The following ZBTB20 variants were observed in gnomAD, a reference collection of about 807,000 sequenced individuals.
ZBTB20 encodes zinc finger and BTB domain containing 20.
A neutral mutation model predicts 56.9 loss-of-function variants in ZBTB20; 9 were observed. That is an observed-to-expected ratio of 0.16 (90% CI 0.10 to 0.28). The LOEUF is 0.28. ZBTB20 is among the 10% of genes least tolerant of loss of function. The pLI, the probability that ZBTB20 is intolerant of heterozygous loss-of-function variation, is 1.00. For missense variants in ZBTB20, 655 were observed against 1,003.0 expected (o/e 0.65, Z 4.69); for synonymous variants, 417 against 420.7 (o/e 0.99, Z 0.11).
chr3:114,618,313 A>G (rs1220105950), intron 6 of ZBTB20, among the ~76,000 whole-genome samples: 1 of 144,848 alleles, frequency 6.9e-6, no homozygotes, highest in African/African-American at 2.6e-5. Context: ...ATAGTGGTGC[A>G]ATCATAGCTC....
intron 2 of ZBTB20, among the ~76,000 whole-genome samples, chr3:115,053,059 C>G (rs2081613364): frequency 6.6e-6 from 1 of 152,116 alleles, no homozygotes. Flanking sequence ...TGTGGTTTAG[C>G]CATTTTAGCT....
intron 2 of ZBTB20, among the ~76,000 whole-genome samples, chr3:114,988,342 A>G (rs758146963): frequency 1.3e-5 from 2 of 150,120 alleles, no homozygotes; most frequent in Non-Finnish European, 2.9e-5. Context: ...AAGAGTGAGA[A>G]CATGCGGTGT....
At chr3:114,998,361 T>G (rs537566378) in intron 2 of ZBTB20, among the ~76,000 whole-genome samples, 1 of 151,754 alleles carries the variant, frequency 6.6e-6, no homozygotes, top group African/African-American at 2.4e-5. Flanking sequence ...ACAAAAGAAT[T>G]TGTGACCTCT....
chr3:115,128,711 G>A (rs2084410209), intron 1 of ZBTB20, among the ~76,000 whole-genome samples: 1 of 142,640 alleles, frequency 7.0e-6, no homozygotes. Context: ...GGAGGGCAGT[G>A]GAGGGGAGGG....
intron 6 of ZBTB20, among the ~76,000 whole-genome samples, chr3:114,621,224 T>A (rs184926793): frequency 6.6e-6 from 1 of 152,324 alleles, no homozygotes; most frequent in Non-Finnish European, 1.5e-5. Flanking sequence ...ACCAAACTTA[T>A]CAGCTAACTA....
At chr3:114,511,973 G>GA (rs1205187550) in intron 6 of ZBTB20, among the ~76,000 whole-genome samples, 1 of 151,972 alleles carries the variant, frequency 6.6e-6, no homozygotes. Flanking sequence ...TGGTAATTCT[G>GA]AAAAAAATAG....
intron 10 of ZBTB20, among the ~76,000 whole-genome samples, chr3:114,363,767 A>G (rs1212394220): frequency 6.6e-6 from 1 of 152,226 alleles, no homozygotes; most frequent in Non-Finnish European, 1.5e-5. Flanking sequence ...TCAAGGCCAG[A>G]GCTCACACAG....
At chr3:114,978,643 G>GT in intron 2 of ZBTB20, among the ~76,000 whole-genome samples, 1 of 150,426 alleles carries the variant, frequency 6.6e-6, no homozygotes, top group East Asian at 2.0e-4. Flanking sequence ...ATGTGCATAT[G>GT]TAAGTATAGA....
chr3:115,074,105 C>T (rs904218139), intron 1 of ZBTB20, among the ~76,000 whole-genome samples: 11 of 152,146 alleles, frequency 7.2e-5, no homozygotes, highest in Admixed American at 3.9e-4. Context: ...TATTTTCAGC[C>T]TCTTACCTCT....
chr3:115,140,663 A>G (rs1033403669), intron 1 of ZBTB20, among the ~76,000 whole-genome samples: 8 of 152,138 alleles, frequency 5.3e-5, no homozygotes, highest in Admixed American at 1.3e-4. Flanking sequence ...ATGAGGGCAC[A>G]CTAAAATGAA....
chr3:115,066,648 T>C (rs1477609109), intron 2 of ZBTB20, among the ~76,000 whole-genome samples: 2 of 152,164 alleles, frequency 1.3e-5, no homozygotes, highest in Non-Finnish European at 2.9e-5. Context: ...CCACCTCATT[T>C]CTGACTTCTT....
At chr3:114,642,599 T>C (rs2059619001) in intron 6 of ZBTB20, among the ~76,000 whole-genome samples, 1 of 152,056 alleles carries the variant, frequency 6.6e-6, no homozygotes, top group Non-Finnish European at 1.5e-5. Flanking sequence ...CGACTGCCGA[T>C]GTCTAGTTGA....
chr3:114,781,812 T>C (rs2070120334), intron 5 of ZBTB20, among the ~76,000 whole-genome samples: 1 of 152,132 alleles, frequency 6.6e-6, no homozygotes, highest in Admixed American at 6.5e-5. Context: ...TGAGATCTGG[T>C]GATTTTATAA....
rs199939659 is a variant in ZBTB20 at position 114,897,104 on chromosome 3, T to C, written c.-417+3200A>G. ...ACCAGTGGACCAAGAATCTTACATG[T>C]AGTGTGTTATTAACTCTCAGACAAC... On this transcript the variant is annotated intron_variant, in intron 4 of 11. Transcript: ENST00000675478. Among the ~76,000 whole-genome samples, 4 of 152,132 alleles carry C rather than the reference T, an allele frequency of 2.6e-5. No homozygotes were observed. The East Asian group carries it at 5.8e-4, about 22-fold the overall frequency.
chr3:114,948,189 C>T (rs1286993240), intron 3 of ZBTB20, among the ~76,000 whole-genome samples: 1 of 144,484 alleles, frequency 6.9e-6, no homozygotes, highest in East Asian at 1.9e-4. Context: ...ATCCTATGAT[C>T]TCAATAGATC....
chr3:114,669,417 C>T (rs765581478), intron 6 of ZBTB20, among the ~76,000 whole-genome samples: 1 of 151,894 alleles, frequency 6.6e-6, no homozygotes, highest in African/African-American at 2.4e-5. Context: ...AATCTGGATA[C>T]CATACTAAGG....
At chr3:115,128,410 T>C (rs1325959394) in intron 1 of ZBTB20, among the ~76,000 whole-genome samples, 1 of 152,146 alleles carries the variant, frequency 6.6e-6, no homozygotes, top group African/African-American at 2.4e-5. Flanking sequence ...ACACCTGTAA[T>C]CCCAACACTT....
At chr3:114,463,230 G>T (rs902397141) in intron 7 of ZBTB20, among the ~76,000 whole-genome samples, 8 of 152,158 alleles carry the variant, frequency 5.3e-5, no homozygotes, top group African/African-American at 1.4e-4. Context: ...AATCTCATTC[G>T]GTTGGTGTTA....
At chr3:114,433,747 G>A (rs2108904901) in intron 7 of ZBTB20, among the ~76,000 whole-genome samples, 1 of 152,292 alleles carries the variant, frequency 6.6e-6, no homozygotes, top group East Asian at 1.9e-4. Context: ...AAGACAGTAT[G>A]TAATCAGTGC....
Sources: gnomAD v4.1 joint callset for allele counts (sites outside exome capture counted in the v4.1 genomes callset) on GRCh38, gnomAD v4.1.1 for gene constraint, MANE v1.5 for transcripts, NCBI Gene and HGNC (gene_info 2026-07-23, HGNC 2026-07-21) for gene names.